PCDH15: variants seen among roughly 807,000 people sequenced by gnomAD.
PCDH15 encodes protocadherin related 15.
Under a neutral mutation model 178.5 loss-of-function variants are expected in PCDH15, and 129 were observed. The observed-to-expected ratio is 0.72, with a 90% CI of 0.63 to 0.84. The LOEUF (loss-of-function observed/expected upper bound fraction) is 0.84. Ranked by LOEUF, PCDH15 falls within the 40% of genes least tolerant of loss-of-function variation. The pLI, the probability that PCDH15 is intolerant of heterozygous loss-of-function variation, is 0.00. For synonymous variants in PCDH15, 800 were observed against 732.0 expected (o/e 1.09, Z -1.50); for missense variants, 2,230 against 2,099.9 (o/e 1.06, Z -1.21).
At position 54,281,585 on chromosome 10, in the gene PCDH15, A is replaced by G. The variant is rs7903288; in HGVS notation, c.876+35686T>C. On this transcript the variant is annotated intron_variant, in intron 8 of 37. Coordinates refer to ENST00000644397, the MANE Select transcript of PCDH15 (RefSeq NM_001384140.1). ...TAAATACCAGCATAAGTCATTACTAAATGTGTTTAGGGTATACAATGGAAG... is the reference window on the plus strand; with the variant it reads ...TAAATACCAGCATAAGTCATTACTAGATGTGTTTAGGGTATACAATGGAAG... 5.8e-3 allele frequency among the ~76,000 whole-genome samples: 889 copies of G among 152,158 alleles called. 10 individuals carry two copies. Among genetic ancestry groups the G allele is most frequent in the African/African-American group, 0.02 (847 of 41,536 alleles).
In PCDH15 at chr10:54,391,647, A is replaced by G. The variant is rs531212190; in HGVS notation, c.158-12705T>C. Among the ~76,000 whole-genome samples the G allele has an allele frequency of 2.6e-5, 4 of 152,080 alleles. No individual in the cohort carries two copies. The South Asian group carries it at 6.2e-4, about 24-fold the overall frequency. On this transcript the variant is annotated intron_variant, in intron 3 of 37. Coordinates refer to ENST00000644397, the MANE Select transcript of PCDH15 (RefSeq NM_001384140.1). ...GTCATATAACATGAGCCATGTTTAG[A>G]AAAGAAGGCAGCCAGCTTGGAGAGA...
chr10:55,205,514 CTG>C (rs1375875269), intron 1 of PCDH15, among the ~76,000 whole-genome samples: 1 of 151,670 alleles, frequency 6.6e-6, no homozygotes, highest in East Asian at 1.9e-4. Context: ...AGTTAATAGT[CTG>C]TTGAAATATT....
At chr10:54,150,036 A>G (rs916760642) in intron 14 of PCDH15, among the ~76,000 whole-genome samples, 2 of 152,130 alleles carry the variant, frequency 1.3e-5, no homozygotes, top group African/African-American at 2.4e-5. Context: ...AAAGTCACCA[A>G]TAAGTTTGAC....
At chr10:54,759,480 A>T (rs980955043) in intron 1 of PCDH15, among the ~76,000 whole-genome samples, 2 of 152,170 alleles carry the variant, frequency 1.3e-5, no homozygotes, top group African/African-American at 4.8e-5. Flanking sequence ...CTTCCTTTTG[A>T]TATTTCTGTC....
At chr10:55,567,843 T>C (rs947728730) in intron 2 of PCDH15, among the ~76,000 whole-genome samples, 39 of 149,430 alleles carry the variant, frequency 2.6e-4, no homozygotes, top group African/African-American at 8.9e-4. Flanking sequence ...CCATCAGACA[T>C]GAAAAAAAAA....
chr10:54,879,998 C>T (rs1164691898), intron 3 of PCDH15, among the ~76,000 whole-genome samples: 1 of 152,102 alleles, frequency 6.6e-6, no homozygotes, highest in Non-Finnish European at 1.5e-5. Context: ...CCTATCTACA[C>T]TGTGATCACT....
chr10:55,238,884 T>C (rs3955319), intron 1 of PCDH15, among the ~76,000 whole-genome samples: 22,660 of 152,034 alleles, frequency 0.15, 1,819 homozygotes, highest in East Asian at 0.27. Flanking sequence ...AAAGTACTTT[T>C]GTAAGCACAA....
intron 2 of PCDH15, chr10:54,600,653 C>T (rs149586737): frequency 1.8e-6 from 1 of 569,450 alleles, no homozygotes; most frequent in Non-Finnish European, 3.4e-6. Context: ...CTTCACATGC[C>T]GTAATAAAGG....
intron 2 of PCDH15, among the ~76,000 whole-genome samples, chr10:55,537,410 T>TG (rs1459061013): frequency 7.0e-6 from 1 of 143,232 alleles, no homozygotes; most frequent in Non-Finnish European, 1.6e-5. Context: ...TATTTATGTA[T>TG]TTATGTATGT....
intron 2 of PCDH15, among the ~76,000 whole-genome samples, chr10:55,130,068 G>A (rs192671888): frequency 1.3e-5 from 2 of 152,242 alleles, no homozygotes; most frequent in East Asian, 3.9e-4. Context: ...TTCTCATACA[G>A]ATGAAGGTTG....
intron 3 of PCDH15, among the ~76,000 whole-genome samples, chr10:54,427,886 AGTAT>A (rs1956489244): frequency 6.6e-6 from 1 of 152,218 alleles, no homozygotes; most frequent in African/African-American, 2.4e-5. Context: ...ACAATTGCTC[AGTAT>A]TACTCTGTAG....
At chr10:54,874,058 G>A (rs1954091093) in intron 3 of PCDH15, among the ~76,000 whole-genome samples, 1 of 87,914 alleles carries the variant, frequency 1.1e-5, no homozygotes, top group Non-Finnish European at 2.2e-5. Flanking sequence ...TGCCATACTG[G>A]TGCGCTGCAC....
chr10:55,394,181 C>G (rs1458378563), intron 2 of PCDH15, among the ~76,000 whole-genome samples: 1 of 151,402 alleles, frequency 6.6e-6, no homozygotes, highest in Non-Finnish European at 1.5e-5. Flanking sequence ...ATGTTGACTT[C>G]TTTGGACAAT....
At chr10:55,364,808 G>A (rs891979306) in intron 2 of PCDH15, among the ~76,000 whole-genome samples, 4 of 151,970 alleles carry the variant, frequency 2.6e-5, no homozygotes, top group Non-Finnish European at 4.4e-5. Flanking sequence ...TTCTATTGAT[G>A]TATTTTCAAG....
chr10:54,793,998 T>A (rs1463435993), intron 1 of PCDH15, among the ~76,000 whole-genome samples: 2 of 148,738 alleles, frequency 1.3e-5, no homozygotes, highest in South Asian at 4.2e-4. Context: ...CACAATTTAA[T>A]GTTCTTTTTT....
intron 3 of PCDH15, among the ~76,000 whole-genome samples, chr10:54,406,299 A>G (rs1427322949): frequency 6.6e-6 from 1 of 152,126 alleles, no homozygotes; most frequent in Non-Finnish European, 1.5e-5. Context: ...ATCTGATTTT[A>G]AGATGTACTA....
chr10:54,729,943 G>A (rs561940350), intron 1 of PCDH15, among the ~76,000 whole-genome samples: 29 of 151,698 alleles, frequency 1.9e-4, no homozygotes, highest in African/African-American at 6.5e-4. Context: ...CTTAAACACC[G>A]CTGGTAGGAG....
intron 2 of PCDH15, among the ~76,000 whole-genome samples, chr10:55,022,241 T>A (rs1228313501): frequency 6.6e-6 from 1 of 151,998 alleles, no homozygotes; most frequent in Non-Finnish European, 1.5e-5. Flanking sequence ...TCACTTGAGA[T>A]CAGGAGTTCA....
At position 54,442,414 on chromosome 10, in the gene PCDH15, CTATATATATATATATATATA is replaced by C. The variant is rs71007859; in HGVS notation, c.158-63492_158-63473del. Among the ~76,000 whole-genome samples the C allele has an allele frequency of 5.1e-3, 98 of 19,194 alleles. 1 individual carries two copies. In the South Asian group the frequency reaches 0.055, roughly 11 times the overall value. The allele number at this position is 19,194 out of a possible 152,430, so 12.6% of individuals were successfully genotyped here. A position where few individuals can be genotyped will look rare whatever the true frequency, so the allele number is the denominator to read the frequency against. ...TTAAAAAAAAAAAAGGCCTTAAAGGCTATATATATATATATATATATATATATATATATATATATATATAT... is the reference window on the plus strand; with the variant it reads ...TTAAAAAAAAAAAAGGCCTTAAAGGCTATATATATATATATATATATATAT... On this transcript the variant is annotated intron_variant, in intron 3 of 37. Transcript: ENST00000644397.
Sources: allele counts gnomAD v4.1 joint callset (sites outside exome capture counted in the v4.1 genomes callset), GRCh38; gene constraint gnomAD v4.1.1; transcripts MANE v1.5; gene names NCBI Gene and HGNC (gene_info 2026-07-23, HGNC 2026-07-21).